The following SCN11A variants were observed in gnomAD, a reference collection of about 807,000 sequenced individuals.
SCN11A encodes the protein sodium voltage-gated channel alpha subunit 11, also known as sodium channel protein type 11 subunit alpha.
SCN11A carries 122 observed loss-of-function variants against 162.2 expected under a neutral mutation model. That is an observed-to-expected ratio of 0.75 (90% CI 0.65 to 0.87). SCN11A has a LOEUF of 0.87. Among genes scored for constraint, SCN11A ranks in the 40% least tolerant of loss-of-function variants. SCN11A has a pLI of 0.00. For missense variants in SCN11A, 2,015 were observed against 2,181.6 expected (o/e 0.92, Z 1.52); for synonymous variants, 758 against 751.5 (o/e 1.01, Z -0.14).
At position 38,974,337 on chromosome 3, in the gene SCN11A, G is replaced by A. The variant is rs564158698; in HGVS notation, c.-279-13914C>T. 2.0e-5 allele frequency among the ~76,000 whole-genome samples: 3 copies of A among 152,164 alleles called. No homozygotes were observed. The South Asian group carries it at 6.2e-4, about 32-fold the overall frequency. ...TACAACAAAATTAAACCAAAATATG[G>A]CACAGGAATACAAAATGATGCAAAA... On this transcript the variant is annotated intron_variant, in intron 2 of 29. Transcript: ENST00000302328.
At chr3:38,919,912 G>A (rs746245883) in intron 11 of SCN11A, 23 bp downstream of exon 11, 2 of 1,584,976 alleles carry the variant, frequency 1.3e-6, no homozygotes, top group Non-Finnish European at 1.7e-6. Flanking sequence ...TTCTTGGGAG[G>A]AAAATGATTA....
At chr3:38,998,837 CATAGGTGGGAATTGA>C (rs1444760708) in intron 2 of SCN11A, among the ~76,000 whole-genome samples, 1 of 142,050 alleles carries the variant, frequency 7.0e-6, no homozygotes, top group East Asian at 2.1e-4. Context: ...TGTTCTCACT[CATAGGTGGGAATTGA>C]ACAATGAGAA....
rs73828760 is a variant in SCN11A, at chr3:38,967,306, A to C, written c.-279-6883T>G. Among the ~76,000 whole-genome samples, 816 of 152,320 alleles carry C rather than the reference A, an allele frequency of 5.4e-3. 9 individuals carry two copies. The highest frequency in any genetic ancestry group is 0.019 in the African/African-American group (774 of 41,572). On this transcript the variant is annotated intron_variant, in intron 2 of 29. Transcript: ENST00000302328. Reference sequence around the variant, plus strand: ...TGACAATGTGTAATTCCTGAGGCTCAGTCATAAAGGGCATTGCAAGTTTTG... The same window carrying C: ...TGACAATGTGTAATTCCTGAGGCTCCGTCATAAAGGGCATTGCAAGTTTTG...
chr3:38,882,921 G>C (rs1399587241), intron 22 of SCN11A, among the ~76,000 whole-genome samples: 1 of 152,146 alleles, frequency 6.6e-6, no homozygotes. Context: ...GAACTATGTA[G>C]GATACAGTGA....
intron 28 of SCN11A, among the ~76,000 whole-genome samples, chr3:38,860,092 G>A (rs1005348366): frequency 6.6e-6 from 1 of 151,938 alleles, no homozygotes; most frequent in Non-Finnish European, 1.5e-5. Context: ...AAGATAGCAA[G>A]AAAACCTCAC....
chr3:38,951,957 T>A (rs903349276), intron 4 of SCN11A, among the ~76,000 whole-genome samples: 2 of 152,190 alleles, frequency 1.3e-5, no homozygotes, highest in Middle Eastern at 3.4e-3. Flanking sequence ...CCCGCTGGGG[T>A]CCCCTTCCAC....
At chr3:38,946,403 C>T (rs1245420299) in intron 6 of SCN11A, among the ~76,000 whole-genome samples, 2 of 151,930 alleles carry the variant, frequency 1.3e-5, no homozygotes, top group East Asian at 3.9e-4. Context: ...GTAGGTCCAA[C>T]ACAACACATT....
intron 11 of SCN11A, among the ~76,000 whole-genome samples, chr3:38,914,545 A>C (rs1024740755): frequency 5.3e-5 from 8 of 152,092 alleles, no homozygotes; most frequent in African/African-American, 1.4e-4. Flanking sequence ...GTGGTGAGAG[A>C]GGGTATCCTG....
At chr3:38,983,730 C>A (rs1413543997) in intron 2 of SCN11A, among the ~76,000 whole-genome samples, 1 of 152,212 alleles carries the variant, frequency 6.6e-6, no homozygotes, top group African/African-American at 2.4e-5. Context: ...AGTCCTTTGA[C>A]CATCATGACA....
chr3:38,851,583 T>A (rs2064779903), intron 28 of SCN11A, among the ~76,000 whole-genome samples: 1 of 152,254 alleles, frequency 6.6e-6, no homozygotes, highest in South Asian at 2.1e-4. Flanking sequence ...TTCTTCACTT[T>A]GTGGAAAACT....
At chr3:38,933,962 C>T (rs1349460530) in intron 7 of SCN11A, among the ~76,000 whole-genome samples, 5 of 152,210 alleles carry the variant, frequency 3.3e-5, no homozygotes, top group Non-Finnish European at 5.9e-5. Flanking sequence ...AAATGTTAAG[C>T]GCAGCCAGAG....
chr3:38,883,472 T>G, intron 21 of SCN11A, 85 bp from the exon 22 acceptor site: 1 of 1,327,222 alleles, frequency 7.5e-7, no homozygotes, highest in East Asian at 2.3e-5. Context: ...TCTGTGTTCA[T>G]GCCCCTTGCC....
intron 2 of SCN11A, among the ~76,000 whole-genome samples, chr3:39,005,299 A>G (rs1456507856): frequency 2.0e-5 from 3 of 152,190 alleles, no homozygotes; most frequent in African/African-American, 7.2e-5. Flanking sequence ...CTGAGTATAA[A>G]ACAGTATAAA....
chr3:38,854,835 T>C (rs1254828236), intron 28 of SCN11A, among the ~76,000 whole-genome samples: 2 of 152,186 alleles, frequency 1.3e-5, no homozygotes, highest in African/African-American at 4.8e-5. Context: ...ACCTTGAAGG[T>C]ACTCCCAGTC....
intron 2 of SCN11A, among the ~76,000 whole-genome samples, chr3:38,979,285 T>C (rs982960573): frequency 6.6e-6 from 1 of 152,240 alleles, no homozygotes. Context: ...TGCAATTCCA[T>C]GTGGATGTAA....
chr3:38,923,407 C>A (rs990063123), intron 9 of SCN11A, among the ~76,000 whole-genome samples: 1 of 152,110 alleles, frequency 6.6e-6, no homozygotes, highest in Admixed American at 6.5e-5. Context: ...TAATTTCCTG[C>A]TGAATCCTTT....
At chr3:38,871,855 C>G in intron 24 of SCN11A, 147 bp from the exon 25 acceptor site, 1 of 691,992 alleles carries the variant, frequency 1.4e-6, no homozygotes, top group South Asian at 2.0e-5. Context: ...ATCCCCATGA[C>G]AAGCCCTGCT....
chr3:38,988,608 C>A (rs1188190713), intron 2 of SCN11A, among the ~76,000 whole-genome samples: 1 of 152,192 alleles, frequency 6.6e-6, no homozygotes, highest in Non-Finnish European at 1.5e-5. Context: ...TTCTGCCCAA[C>A]AAAAGAGTTC....
intron 2 of SCN11A, among the ~76,000 whole-genome samples, chr3:39,000,058 A>G (rs551942427): frequency 6.6e-6 from 1 of 152,234 alleles, no homozygotes; most frequent in Non-Finnish European, 1.5e-5. Context: ...AAATGTGGTC[A>G]ACACCTGAAG....
Sources: gnomAD v4.1 joint callset for allele counts (sites outside exome capture counted in the v4.1 genomes callset) on GRCh38, gnomAD v4.1.1 for gene constraint, MANE v1.5 for transcripts, NCBI Gene and HGNC (gene_info 2026-07-23, HGNC 2026-07-21) for gene names.